Variants in LILRA5 observed in about 807,000 individuals in gnomAD.
The protein encoded by LILRA5 is leukocyte immunoglobulin-like receptor subfamily A member 5.
Under a neutral mutation model 36.3 loss-of-function variants are expected in LILRA5, and 31 were observed. The ratio of observed to expected loss-of-function variants is 0.85; its 90% confidence interval spans 0.64 to 1.15. The LOEUF (loss-of-function observed/expected upper bound fraction) is 1.15, where lower values mean the gene tolerates loss of function less well. Ranked by LOEUF, LILRA5 falls within the 50% of genes most tolerant of loss-of-function variation. LILRA5 has a pLI of 0.00. For synonymous variants in LILRA5, 144 were observed against 144.8 expected (o/e 0.99, Z 0.04); for missense variants, 348 against 377.4 (o/e 0.92, Z 0.64).
chr19:54,308,856 C>G (rs1426377202), intron 5 of LILRA5: 1 of 152,050 alleles, frequency 6.6e-6, no homozygotes, highest in Non-Finnish European at 1.5e-5. Context: ...AAAATATATG[C>G]AGATATACCT....
rs149506860 is a variant in LILRA5, at chr19:54,309,952, C to T, written c.712+1462G>A. 471 of 241,332 alleles carry T rather than the reference C, an allele frequency of 2.0e-3. 5 individuals are homozygous for T. Among genetic ancestry groups the T allele is most frequent in the African/African-American group, 0.01 (439 of 42,510 alleles). The allele number at this position is 241,332 out of a possible 1,614,324, so 14.9% of individuals were successfully genotyped here. Reference sequence around the variant, plus strand: ...GGGGTGCCCTGAGCACAGAGGCCTCCAGGTGAGCACAGGAGGGGCGGTGTG... The same window carrying T: ...GGGGTGCCCTGAGCACAGAGGCCTCTAGGTGAGCACAGGAGGGGCGGTGTG... On this transcript the variant is annotated intron_variant, in intron 5 of 6. Coordinates refer to ENST00000432233, the MANE Select transcript of LILRA5 (RefSeq NM_021250.4).
At position 54,311,313 on chromosome 19, in the gene LILRA5, C is replaced by T. The variant is rs200277601; in HGVS notation, c.712+101G>A. On this transcript the variant is annotated intron_variant, in intron 5 of 6. Transcript: ENST00000432233. ...CCCTAGGATTTCTGTGTTCTCCTTCCCCTTTTTGTCTTTCTTAGCAGGGGC... is the reference window on the plus strand; with the variant it reads ...CCCTAGGATTTCTGTGTTCTCCTTCTCCTTTTTGTCTTTCTTAGCAGGGGC... 22 of 1,610,548 alleles carry T rather than the reference C, an allele frequency of 1.4e-5. No homozygotes were observed. The African/African-American group carries it at 2.1e-4, about 16-fold the overall frequency.
intron 1 of LILRA5, 121 bp downstream of exon 1, chr19:54,312,896 C>T (rs916918576): frequency 2.4e-5 from 30 of 1,259,040 alleles, no homozygotes; most frequent in Middle Eastern, 4.1e-4. Flanking sequence ...CAAATAGACC[C>T]GGTGCCTTCC....
intron 3 of LILRA5, 74 bp downstream of exon 3, chr19:54,312,261 C>T (rs1172285879): frequency 6.2e-7 from 1 of 1,613,196 alleles, no homozygotes; most frequent in East Asian, 2.2e-5. Flanking sequence ...GCGGTCTTCA[C>T]CCCCAGCTGC....
In LILRA5 at chr19:54,307,072, C is replaced by T. The variant is rs571067854; in HGVS notation, c.*341G>A. ...GGAAAGGTGTCACATTTTAATGGTC[C>T]TCCATGGATCACCCCAGACCAGTGT... is the stretch of plus-strand genomic sequence containing the variant. On this transcript the variant is annotated 3_prime_UTR_variant, in exon 7 of 7. Transcript: ENST00000432233. 1.0e-4 allele frequency: 17 copies of T among 170,458 alleles called. No individual in the cohort carries two copies. In the South Asian group the frequency reaches 2.5e-3, roughly 25 times the overall value. The allele number at this position is 170,458 out of a possible 1,614,324, so 10.6% of individuals were successfully genotyped here.
At position 54,307,553 on chromosome 19, in the gene LILRA5, G is replaced by A. The variant is rs542910220; in HGVS notation, c.764-4C>T. The stretch of plus-strand genomic sequence containing the variant: ...GCGTAATCCTGAAGGTGTGAGGCTG[G>A]GGATGGTGGACAAAGAGGTCACAGA... On this transcript the variant is annotated splice_polypyrimidine_tract_variant and splice_region_variant and intron_variant, in intron 6 of 6. Coordinates refer to ENST00000432233, the MANE Select transcript of LILRA5 (RefSeq NM_021250.4). 26 of 1,613,976 alleles carry A rather than the reference G, an allele frequency of 1.6e-5. No individual in the cohort carries two copies. The African/African-American group carries it at 2.8e-4, about 17-fold the overall frequency.
intron 5 of LILRA5, chr19:54,309,504 G>A (rs2080967611): frequency 7.6e-6 from 1 of 131,582 alleles, no homozygotes; most frequent in African/African-American, 2.7e-5. Context: ...AAATATACAT[G>A]AATCAAATAC....
chr19:54,308,345 G>GTGTGTGTA (rs2080928302), intron 5 of LILRA5: 1 of 73,334 alleles, frequency 1.4e-5, no homozygotes, highest in Admixed American at 2.1e-4. Flanking sequence ...GTATATATAT[G>GTGTGTGTA]TATATATAAA....
chr19:54,307,469 G>C lies in LILRA5; in HGVS notation c.844C>G (p.Leu282Val). The C allele has an allele frequency of 3.1e-6, 5 of 1,613,966 alleles. No homozygotes were observed. The highest frequency in any genetic ancestry group is 4.2e-6 in the Non-Finnish European group (5 of 1,179,984). Residue 282 changes from leucine to valine, a missense_variant, in exon 7 of 7, where the codon CTG becomes GTG. Coordinates refer to ENST00000432233, the MANE Select transcript of LILRA5 (RefSeq NM_021250.4). ...AGLILVVLGI[L>V]IFQDWHSQRS... is the part of the protein sequence containing the mutation. ...TGGCTGTGCCAATCCTGAAATATCAGAATCCCAAGGACCACCAGGATCAAG... is the reference window on the plus strand; with the variant it reads ...TGGCTGTGCCAATCCTGAAATATCACAATCCCAAGGACCACCAGGATCAAG...
In LILRA5 at chr19:54,311,644, T is replaced by G. The variant is rs201844651; in HGVS notation, c.482A>C (p.Gln161Pro). The stretch of plus-strand genomic sequence containing the variant: ...GTCGAATCTCAGCCGTGAGCCACAC[T>G]GGAGGGTCACGTTCTCTCCTGAGGT... ...VVTSGENVTL[Q>P]CGSRLRFDRF... Residue 161 changes from glutamine (Q) to proline (P), a missense_variant, in exon 5 of 7, where the codon CAG (glutamine) becomes CCG (proline). By Grantham distance (76) the Gln-to-Pro change is moderately conservative. Transcript: ENST00000432233. 3.7e-6 allele frequency: 6 copies of G among 1,614,122 alleles called. No individual in the cohort carries two copies. The highest frequency in any genetic ancestry group is 5.1e-6 in the Non-Finnish European group (6 of 1,179,996).
intron 5 of LILRA5, chr19:54,310,077 C>T: frequency 3.8e-6 from 1 of 265,224 alleles, no homozygotes; most frequent in Non-Finnish European, 7.5e-6. Context: ...GAGCAGCCTC[C>T]TCCCCTGTCC....
chr19:54,308,026 T>G, intron 5 of LILRA5: 1 of 470,600 alleles, frequency 2.1e-6, no homozygotes. Flanking sequence ...GCAAGGAAAG[T>G]GGCCCCCAGA....
At chr19:54,311,253 G>GC in intron 5 of LILRA5, 161 bp downstream of exon 5, 1 of 1,534,132 alleles carries the variant, frequency 6.5e-7, no homozygotes, top group South Asian at 1.2e-5. Flanking sequence ...ACTGTGCCCA[G>GC]CCCTTGCTTT....
chr19:54,312,063 G>A lies in LILRA5; in HGVS notation c.210C>T (p.Thr70=), dbSNP rs760049278. 7 of 1,614,146 alleles carry A rather than the reference G, an allele frequency of 4.3e-6. No individual in the cohort carries two copies. The East Asian group carries it at 1.3e-4, about 31-fold the overall frequency. The change falls in exon 4 of 7, where the codon ACC becomes ACT. Residue 70 remains threonine (T), a synonymous_variant. Transcript: ENST00000432233. ...GNSVTIRCQG[T]LEAQEYRLVK... is the part of the protein sequence containing the mutation. ...CCAGACGGTATTCCTGGGCCTCCAG[G>A]GTCCCCTGACACCGGATGGTCACAG...
chr19:54,311,886 G>T lies in LILRA5; in HGVS notation c.387C>A (p.Asp129Glu), dbSNP rs780505566. 2.5e-6 allele frequency: 4 copies of T among 1,614,174 alleles called. No individual in the cohort carries two copies. Among genetic ancestry groups the T allele is most frequent in the Non-Finnish European group, 3.4e-6 (4 of 1,180,028 alleles). ...CACCTGTCACCACCAGCTCCAGGGG[G>T]TCGCTGGGCTCTGACCAGCCTGCAG... is the stretch of plus-strand genomic sequence containing the variant. ...YSPAGWSEPS[D>E]PLELVVTGFY... The change falls in exon 4 of 7, where the codon GAC becomes GAA. Residue 129 changes from aspartate (D) to glutamate (E), a missense_variant. Physicochemically the swap from Asp to Glu is conservative, Grantham distance 45. Transcript: ENST00000432233.
At chr19:54,308,468 C>G (rs923029464) in intron 5 of LILRA5, 1 of 145,464 alleles carries the variant, frequency 6.9e-6, no homozygotes, top group African/African-American at 2.5e-5. Flanking sequence ...GTGGCTCATG[C>G]CTGTAATCCC....
In LILRA5 at chr19:54,312,039, C is replaced by T. The variant is rs2081030822; in HGVS notation, c.234G>A (p.Leu78=). ...AGGGTTCTGGGCTTCCCTCTTTAACCAGACGGTATTCCTGGGCCTCCAGGG... is the reference window on the plus strand; with the variant it reads ...AGGGTTCTGGGCTTCCCTCTTTAACTAGACGGTATTCCTGGGCCTCCAGGG... ...QGTLEAQEYR[L]VKEGSPEPWD... is the part of the protein sequence containing the mutation. Residue 78 remains leucine (L), a synonymous_variant, in exon 4 of 7, where the codon CTG becomes CTA. Transcript: ENST00000432233. 2 of 1,614,170 alleles carry T rather than the reference C, an allele frequency of 1.2e-6. No individual in the cohort carries two copies. The highest frequency in any genetic ancestry group is 1.7e-6 in the Non-Finnish European group (2 of 1,180,014).
intron 5 of LILRA5, 118 bp downstream of exon 5, chr19:54,311,296 T>C (rs765919097): frequency 6.2e-7 from 1 of 1,604,994 alleles, no homozygotes; most frequent in Non-Finnish European, 8.5e-7. Flanking sequence ...GTCCCTAGGA[T>C]TTCTGTGTTC....
At position 54,312,082 on chromosome 19, in the gene LILRA5, G is replaced by A. The variant is rs2081032819; in HGVS notation, c.191C>T (p.Thr64Ile). The change falls in exon 4 of 7, where the codon ACC (threonine) becomes ATC (isoleucine). Residue 64 changes from threonine to isoleucine, a missense_variant. By Grantham distance (89) the Thr-to-Ile change is moderately conservative. Coordinates refer to ENST00000432233, the MANE Select transcript of LILRA5 (RefSeq NM_021250.4). ...GSVISRGNSV[T>I]IRCQGTLEAQ... ...CTCCAGGGTCCCCTGACACCGGATG[G>A]TCACAGAGTTCCCCCGGCTGATCAC... 6.2e-7 allele frequency: 1 copy of A among 1,614,020 alleles called. No individual in the cohort carries two copies. The highest frequency in any genetic ancestry group is 1.3e-5 in the African/African-American group (1 of 74,904).
Sources: allele counts gnomAD v4.1 joint callset, GRCh38; gene constraint gnomAD v4.1.1; transcripts MANE v1.5; gene names NCBI Gene and HGNC (gene_info 2026-07-23, HGNC 2026-07-21).